ARFGEF2: variants seen among roughly 807,000 people sequenced by gnomAD.
ARFGEF2 encodes brefeldin A-inhibited guanine nucleotide-exchange protein 2.
A neutral mutation model predicts 219.9 loss-of-function variants in ARFGEF2; 74 were observed. The ratio of observed to expected loss-of-function variants is 0.34; its 90% confidence interval spans 0.28 to 0.41. ARFGEF2 has a LOEUF of 0.41. ARFGEF2 is among the 10% of genes least tolerant of loss of function. ARFGEF2 has a pLI of 1.00. For missense variants in ARFGEF2, 1,743 were observed against 2,218.3 expected (o/e 0.79, Z 4.30); for synonymous variants, 733 against 799.2 (o/e 0.92, Z 1.40).
chr20:49,018,843 A>C, intron 33 of ARFGEF2, 41 bp from the exon 34 acceptor site: 1 of 1,554,308 alleles, frequency 6.4e-7, no homozygotes, highest in Non-Finnish European at 8.9e-7. Flanking sequence ...AATTATCATG[A>C]AGAAAAGTGA....
chr20:48,960,985 C>T (rs2091146104), intron 6 of ARFGEF2, among the ~76,000 whole-genome samples: 6 of 150,998 alleles, frequency 4.0e-5, no homozygotes, highest in Admixed American at 4.0e-4. Context: ...GAGGCTGAGG[C>T]AGGAGAATCT....
At chr20:48,926,221 TACTC>T (rs1334400572) in intron 1 of ARFGEF2, among the ~76,000 whole-genome samples, 9 of 152,328 alleles carry the variant, frequency 5.9e-5, no homozygotes, top group Admixed American at 5.2e-4. Context: ...ATGTTTGAAA[TACTC>T]AGTAGAGTTT....
At chr20:48,930,322 C>T (rs2090905323) in intron 1 of ARFGEF2, among the ~76,000 whole-genome samples, 1 of 152,234 alleles carries the variant, frequency 6.6e-6, no homozygotes, top group South Asian at 2.1e-4. Context: ...TACACCATCA[C>T]AGTGGCAATT....
intron 3 of ARFGEF2, among the ~76,000 whole-genome samples, chr20:48,946,586 C>T (rs1040250688): frequency 4.0e-5 from 6 of 151,716 alleles, no homozygotes; most frequent in Admixed American, 6.6e-5. Flanking sequence ...AGTGCAGTGG[C>T]GTGATCAGGC....
At chr20:48,965,468 A>G (rs1309201735) in intron 7 of ARFGEF2, among the ~76,000 whole-genome samples, 2 of 152,084 alleles carry the variant, frequency 1.3e-5, no homozygotes, top group Non-Finnish European at 2.9e-5. Context: ...TTTCTCTGTG[A>G]CTAAGGTTTT....
chr20:48,999,269 A>C (rs1307923358), intron 25 of ARFGEF2: 2 of 453,430 alleles, frequency 4.4e-6, no homozygotes, highest in South Asian at 3.1e-5. Flanking sequence ...TTTTTAAATC[A>C]GTAACAAGCC....
At position 49,033,567 on chromosome 20, in the gene ARFGEF2, A is replaced by G. The variant is rs78721163; in HGVS notation, c.*368A>G. On this transcript the variant is annotated 3_prime_UTR_variant, in exon 39 of 39. Coordinates refer to ENST00000371917, the MANE Select transcript of ARFGEF2 (RefSeq NM_006420.3). ...CCTTGAAAATACTGAACATAGCTGTATAGGTTTGTGATTATTAGAGAATAT... is the reference window on the plus strand; with the variant it reads ...CCTTGAAAATACTGAACATAGCTGTGTAGGTTTGTGATTATTAGAGAATAT... 2,384 of 224,734 alleles carry G rather than the reference A, an allele frequency of 0.011. 17 individuals carry two copies. The highest frequency in any genetic ancestry group is 0.026 in the Middle Eastern group (14 of 532). 13.9% of individuals were successfully genotyped at this position (224,734 alleles called of 1,614,324 possible).
intron 26 of ARFGEF2, among the ~76,000 whole-genome samples, chr20:49,009,118 C>T (rs927178883): frequency 6.6e-6 from 1 of 152,172 alleles, no homozygotes. Flanking sequence ...GTTTTGTCAA[C>T]AAGTTGCTTT....
intron 9 of ARFGEF2, among the ~76,000 whole-genome samples, chr20:48,970,704 G>A (rs1437909431): frequency 6.6e-6 from 1 of 152,138 alleles, no homozygotes; most frequent in Non-Finnish European, 1.5e-5. Context: ...CCTGAACTCC[G>A]GCATGGGCAG....
intron 37 of ARFGEF2, among the ~76,000 whole-genome samples, chr20:49,030,686 C>CTT (rs1172144713): frequency 5.9e-5 from 9 of 152,086 alleles, no homozygotes; most frequent in Non-Finnish European, 1.2e-4. Context: ...TACCTACAGT[C>CTT]TCATAAAGTT....
chr20:49,009,791 T>C (rs1321931129), intron 26 of ARFGEF2, among the ~76,000 whole-genome samples: 1 of 152,242 alleles, frequency 6.6e-6, no homozygotes, highest in African/African-American at 2.4e-5. Flanking sequence ...AAGAATTTAG[T>C]AATGATTATC....
intron 26 of ARFGEF2, among the ~76,000 whole-genome samples, chr20:49,009,508 T>G (rs2091483026): frequency 6.6e-6 from 1 of 152,180 alleles, no homozygotes; most frequent in Admixed American, 6.5e-5. Flanking sequence ...GTACTGACTT[T>G]TAAAGATAGT....
chr20:48,994,513 C>T lies in ARFGEF2; in HGVS notation c.3036C>T (p.Arg1012=), dbSNP rs924462007. 1.2e-6 allele frequency: 2 copies of T among 1,614,142 alleles called. No homozygotes were observed. Among genetic ancestry groups the T allele is most frequent in the Non-Finnish European group, 1.7e-6 (2 of 1,180,042 alleles). ...AQLIGTGVKT[R]YLSGSGRERE... is the part of the protein sequence containing the mutation. ...TGATAGGAACCGGTGTGAAGACGCGCTACCTGTCTGGATCTGGGCGTGAAA... is the reference window on the plus strand; with the variant it reads ...TGATAGGAACCGGTGTGAAGACGCGTTACCTGTCTGGATCTGGGCGTGAAA... The change falls in exon 22 of 39, where the codon CGC becomes CGT. Residue 1012 remains arginine, a synonymous_variant. Coordinates refer to ENST00000371917, the MANE Select transcript of ARFGEF2 (RefSeq NM_006420.3).
intron 12 of ARFGEF2, among the ~76,000 whole-genome samples, chr20:48,973,566 T>A (rs2091241739): frequency 6.6e-6 from 1 of 152,276 alleles, no homozygotes; most frequent in Non-Finnish European, 1.5e-5. Context: ...CCTTAGAAGG[T>A]GACCTTTGAG....
intron 1 of ARFGEF2, among the ~76,000 whole-genome samples, chr20:48,935,044 A>G (rs1277717985): frequency 1.3e-5 from 2 of 152,148 alleles, no homozygotes; most frequent in African/African-American, 4.8e-5. Context: ...AATGATTGCC[A>G]TTCTAACTGG....
At chr20:48,923,120 A>G (rs1044779736) in intron 1 of ARFGEF2, among the ~76,000 whole-genome samples, 1 of 152,186 alleles carries the variant, frequency 6.6e-6, no homozygotes, top group African/African-American at 2.4e-5. Context: ...AAAGGCAAGA[A>G]CTATCCACCA....
At chr20:48,923,839 A>G (rs952898853) in intron 1 of ARFGEF2, among the ~76,000 whole-genome samples, 7 of 152,392 alleles carry the variant, frequency 4.6e-5, no homozygotes, top group East Asian at 3.9e-4. Flanking sequence ...ATGAAGGGCC[A>G]TTAACGCTGA....
intron 5 of ARFGEF2, among the ~76,000 whole-genome samples, 173 bp downstream of exon 5, chr20:48,953,057 G>T (rs1237721328): frequency 6.6e-6 from 1 of 151,672 alleles, no homozygotes; most frequent in African/African-American, 2.4e-5. Context: ...AAACTAAAGG[G>T]TTTTGAAATT....
intron 6 of ARFGEF2, among the ~76,000 whole-genome samples, chr20:48,961,113 T>TAATAATAATAATA (rs2091147699): frequency 3.6e-5 from 4 of 111,558 alleles, no homozygotes; most frequent in Admixed American, 2.1e-4. Flanking sequence ...TAATAATAAT[T>TAATAATAATAATA]TTCTTTATTC....
Sources: allele counts gnomAD v4.1 joint callset (sites outside exome capture counted in the v4.1 genomes callset), GRCh38; gene constraint gnomAD v4.1.1; transcripts MANE v1.5; gene names NCBI Gene and HGNC (gene_info 2026-07-23, HGNC 2026-07-21).